The following PLCB1 variants were observed in gnomAD, a reference collection of about 807,000 sequenced individuals.
PLCB1 encodes the protein phospholipase C beta 1.
PLCB1 carries 46 observed loss-of-function variants against 161.8 expected under a neutral mutation model. The ratio of observed to expected loss-of-function variants is 0.28; its 90% CI spans 0.22 to 0.36. The LOEUF (loss-of-function observed/expected upper bound fraction) is 0.36, where lower values mean the gene tolerates loss of function less well. Among genes scored for constraint, PLCB1 ranks in the 10% least tolerant of loss-of-function variants. PLCB1 has a pLI of 1.00. For synonymous variants in PLCB1, 517 were observed against 503.7 expected (o/e 1.03, Z -0.35); for missense variants, 1,016 against 1,472.5 (o/e 0.69, Z 5.07).
chr20:8,644,716 CCCCCGCCCTGCCAGCCG>C (rs1989102659), intron 4 of PLCB1, among the ~76,000 whole-genome samples: 2 of 150,544 alleles, frequency 1.3e-5, no homozygotes, highest in South Asian at 2.1e-4. Flanking sequence ...GGGGGTCAGC[CCCCCGCCCTGCCAGCCG>C]CCCCGCCCGG....
intron 31 of PLCB1, among the ~76,000 whole-genome samples, chr20:8,854,714 G>A (rs1225732688): frequency 6.6e-6 from 1 of 152,208 alleles, no homozygotes; most frequent in Non-Finnish European, 1.5e-5. Flanking sequence ...GAAAAGCGAG[G>A]AAGAGCCCAC....
chr20:8,452,570 T>G (rs1476435331), intron 3 of PLCB1, among the ~76,000 whole-genome samples: 1 of 152,208 alleles, frequency 6.6e-6, no homozygotes, highest in East Asian at 1.9e-4. Flanking sequence ...TTGAAGAACA[T>G]CACTGAAGAG....
chr20:8,548,150 TTC>T (rs758757268), intron 3 of PLCB1, among the ~76,000 whole-genome samples: 1 of 151,376 alleles, frequency 6.6e-6, no homozygotes, highest in Admixed American at 6.6e-5. Flanking sequence ...CCTTCTTTCT[TTC>T]TCTCTTTCTC....
chr20:8,856,133 T>C (rs1987059548), intron 31 of PLCB1, among the ~76,000 whole-genome samples: 1 of 117,930 alleles, frequency 8.5e-6, no homozygotes. Context: ...CGTGTGCATG[T>C]ATATATTCCT....
chr20:8,300,970 G>C (rs1212741727), intron 2 of PLCB1, among the ~76,000 whole-genome samples: 1 of 152,112 alleles, frequency 6.6e-6, no homozygotes, highest in Non-Finnish European at 1.5e-5. Flanking sequence ...GAGCCTTTTG[G>C]GAAATGTACC....
chr20:8,533,311 C>T (rs1410181787), intron 3 of PLCB1, among the ~76,000 whole-genome samples: 35 of 150,804 alleles, frequency 2.3e-4, no homozygotes, highest in African/African-American at 7.4e-4. Flanking sequence ...GTGAATAATG[C>T]CGCAATAAAC....
In PLCB1 at chr20:8,795,798, C is replaced by T. The variant is rs191152171; in HGVS notation, c.3423+5537C>T. Among the ~76,000 whole-genome samples, 636 of 151,384 alleles carry T rather than the reference C, an allele frequency of 4.2e-3. 3 individuals carry two copies. The highest frequency in any genetic ancestry group is 7.5e-3 in the Non-Finnish European group (512 of 67,888). ...GCTGAGGCAGGAGAATCACTGGAACCCGGGAGGCGGAGGTTGCAGTGAGCC... is the reference window on the plus strand; with the variant it reads ...GCTGAGGCAGGAGAATCACTGGAACTCGGGAGGCGGAGGTTGCAGTGAGCC... On this transcript the variant is annotated intron_variant, in intron 31 of 31. Transcript: ENST00000338037.
chr20:8,760,339 G>A (rs1263751063), intron 24 of PLCB1, 68 bp from the exon 25 acceptor site: 1 of 926,178 alleles, frequency 1.1e-6, no homozygotes, highest in East Asian at 2.5e-5. Flanking sequence ...AAATATGTTT[G>A]TTTGTTTACA....
intron 26 of PLCB1, among the ~76,000 whole-genome samples, chr20:8,767,772 A>T (rs1328006284): frequency 6.6e-6 from 1 of 152,218 alleles, no homozygotes; most frequent in Non-Finnish European, 1.5e-5. Context: ...GTGTCAACAA[A>T]GTACTGGGCA....
intron 3 of PLCB1, among the ~76,000 whole-genome samples, chr20:8,446,157 C>G (rs1361881815): frequency 6.6e-6 from 1 of 152,144 alleles, no homozygotes; most frequent in East Asian, 1.9e-4. Flanking sequence ...CAAAAATCCT[C>G]AATAAAATGC....
chr20:8,703,659 G>T (rs969903375), intron 11 of PLCB1, among the ~76,000 whole-genome samples: 4 of 152,168 alleles, frequency 2.6e-5, no homozygotes, highest in Admixed American at 1.3e-4. Flanking sequence ...AGTACACAAT[G>T]TCAGAGGCAG....
At chr20:8,588,496 A>G (rs1237267348) in intron 3 of PLCB1, among the ~76,000 whole-genome samples, 1 of 152,142 alleles carries the variant, frequency 6.6e-6, no homozygotes, top group Non-Finnish European at 1.5e-5. Flanking sequence ...GACTTTAAAG[A>G]GGTCATTAAT....
At chr20:8,250,469 C>G (rs760705100) in intron 2 of PLCB1, among the ~76,000 whole-genome samples, 1 of 151,794 alleles carries the variant, frequency 6.6e-6, no homozygotes, top group Non-Finnish European at 1.5e-5. Context: ...GATTTTGCAT[C>G]TGTAAGGTGG....
At chr20:8,690,962 C>T (rs984453934) in intron 10 of PLCB1, among the ~76,000 whole-genome samples, 8 of 152,290 alleles carry the variant, frequency 5.3e-5, no homozygotes, top group Non-Finnish European at 1.5e-5. Context: ...ACAGTATTAC[C>T]TTGCCCCAGT....
chr20:8,536,018 A>G (rs1055371656), intron 3 of PLCB1, among the ~76,000 whole-genome samples: 16 of 152,068 alleles, frequency 1.1e-4, no homozygotes, highest in African/African-American at 3.8e-4. Flanking sequence ...CTGAAGTTAT[A>G]CAAGTTTCAG....
At chr20:8,798,443 G>A (rs193115944) in intron 31 of PLCB1, among the ~76,000 whole-genome samples, 15 of 152,240 alleles carry the variant, frequency 9.9e-5, no homozygotes, top group East Asian at 1.9e-4. Flanking sequence ...TATCTGCCCC[G>A]TTCTCAATGC....
chr20:8,758,245 C>A (rs1341225550), intron 24 of PLCB1, among the ~76,000 whole-genome samples: 2 of 147,286 alleles, frequency 1.4e-5, no homozygotes, highest in Non-Finnish European at 3.0e-5. Context: ...AAAAAAAAAC[C>A]AATTATATTT....
Position 8,733,221 on chromosome 20 carries a change from G to T in PLCB1, c.1889-17G>T. 1 of 1,612,604 alleles carries T rather than the reference G, an allele frequency of 6.2e-7. No individual in the cohort carries two copies. The highest frequency in any genetic ancestry group is 8.5e-7 in the Non-Finnish European group (1 of 1,178,854). On this transcript the variant is annotated splice_polypyrimidine_tract_variant and intron_variant, in intron 18 of 31. Transcript: ENST00000338037. ...TATAGATAAACTCACAATAAGGCTTGTGTTTTTGATACTCAGACCTGGCTA... is the reference window on the plus strand; with the variant it reads ...TATAGATAAACTCACAATAAGGCTTTTGTTTTTGATACTCAGACCTGGCTA...
At chr20:8,534,813 C>G (rs1366102115) in intron 3 of PLCB1, among the ~76,000 whole-genome samples, 1 of 152,094 alleles carries the variant, frequency 6.6e-6, no homozygotes, top group Non-Finnish European at 1.5e-5. Flanking sequence ...AGTTAATTAT[C>G]CATCTTGACA....
Sources: allele counts gnomAD v4.1 joint callset (sites outside exome capture counted in the v4.1 genomes callset), GRCh38; gene constraint gnomAD v4.1.1; transcripts MANE v1.5; gene names NCBI Gene and HGNC (gene_info 2026-07-23, HGNC 2026-07-21).